VWCE: variants seen among roughly 807,000 people sequenced by gnomAD.
The protein encoded by VWCE is von Willebrand factor C and EGF domains, also known as von Willebrand factor C and EGF domain-containing protein.
A neutral mutation model predicts 102.9 loss-of-function variants in VWCE; 68 were observed. The observed-to-expected ratio is 0.66, with a 90% CI of 0.54 to 0.81. The LOEUF is 0.81. VWCE is among the 30% of genes least tolerant of loss of function. VWCE has a pLI of 0.00. For synonymous variants in VWCE, 497 were observed against 515.4 expected (o/e 0.96, Z 0.48); for missense variants, 1,137 against 1,263.6 (o/e 0.90, Z 1.52).
intron 11 of VWCE, among the ~76,000 whole-genome samples, chr11:61,275,434 G>C (rs1854873443): frequency 6.6e-6 from 1 of 151,762 alleles, no homozygotes; most frequent in Non-Finnish European, 1.5e-5. Flanking sequence ...CAATGGGACC[G>C]ATAAGGGTTC....
chr11:61,286,278 C>G, intron 5 of VWCE, 36 bp downstream of exon 5: 1 of 1,586,304 alleles, frequency 6.3e-7, no homozygotes, highest in East Asian at 2.2e-5. Flanking sequence ...TCCCCATTAC[C>G]CCTCCCAGAG....
chr11:61,259,422 CA>C, intron 19 of VWCE, 110 bp from the exon 20 acceptor site: 1 of 1,379,852 alleles, frequency 7.2e-7, no homozygotes, highest in Non-Finnish European at 9.6e-7. Flanking sequence ...AGAGGGGCCT[CA>C]GCACACCTGG....
chr11:61,279,022 A>C (rs1489921562), intron 9 of VWCE, among the ~76,000 whole-genome samples: 10 of 150,152 alleles, frequency 6.7e-5, no homozygotes, highest in Non-Finnish European at 1.2e-4. Flanking sequence ...CTGGGTGACA[A>C]AGCAACACTC....
chr11:61,283,736 G>A (rs989078720), intron 5 of VWCE, among the ~76,000 whole-genome samples: 20 of 152,240 alleles, frequency 1.3e-4, no homozygotes, highest in Middle Eastern at 3.4e-3. Context: ...AATGCACCAC[G>A]CTCTTTTGGT....
chr11:61,268,950 A>G lies in VWCE; in HGVS notation c.1854T>C (p.Pro618=), dbSNP rs750396283. 4 of 1,614,048 alleles carry G rather than the reference A, an allele frequency of 2.5e-6. No homozygotes were observed. In the African/African-American group the frequency reaches 4.0e-5, roughly 16 times the overall value. ...CTGAACAGTCTGGGCAGCACTGTCC[A>G]GGGATCCGGATCGGGTGAGGGCAGG... ...VDSCPHPIRI[P]GQCCPDCSAG... The change falls in exon 15 of 20, where the codon CCT becomes CCC. Residue 618 remains proline (P), a synonymous_variant. Coordinates refer to ENST00000335613, the MANE Select transcript of VWCE (RefSeq NM_152718.2).
chr11:61,276,743 T>A, intron 10 of VWCE, 63 bp from the exon 11 acceptor site: 1 of 1,355,826 alleles, frequency 7.4e-7, no homozygotes, highest in Non-Finnish European at 9.9e-7. Flanking sequence ...ATTCCCCATC[T>A]CACAGCAGGC....
rs61744427 is a variant in VWCE at position 61,280,850 on chromosome 11, G to C, written c.1173C>G (p.Ala391=). 5.7e-3 allele frequency: 8,761 copies of C among 1,544,056 alleles called. 195 individuals carry two copies. In the African/African-American group the frequency reaches 0.058, roughly 10 times the overall value. The stretch of plus-strand genomic sequence containing the variant: ...TCCAGCGACTCCTTGATTCATGCAT[G>C]GCTCCCAGGTGCCAGCAGGGAGAGG... ...AGPSPCWHLG[A]MHESRSRWTE... is the part of the protein sequence containing the mutation. The change falls in exon 8 of 20, where the codon GCC becomes GCG. Residue 391 remains alanine, a synonymous_variant. Transcript: ENST00000335613.
At chr11:61,262,910 A>T (rs1006251066) in intron 19 of VWCE, among the ~76,000 whole-genome samples, 2 of 152,260 alleles carry the variant, frequency 1.3e-5, no homozygotes, top group African/African-American at 4.8e-5. Context: ...TCACTGTGAC[A>T]CTATTCACAA....
At position 61,259,200 on chromosome 11, in the gene VWCE, G is replaced by A. The variant is rs140374882; in HGVS notation, c.2343C>T (p.Ser781=). Residue 781 remains serine, a synonymous_variant, in exon 20 of 20, where the codon AGC becomes AGT. Coordinates refer to ENST00000335613, the MANE Select transcript of VWCE (RefSeq NM_152718.2). ...HGDTEAPVNC[S]SCPGPPTASP... is the part of the protein sequence containing the mutation. ...ATGCTGTCGGGGGCCCAGGACAGGA[G>A]CTACAGTTGACAGGGGCCTCAGTGT... The A allele has an allele frequency of 1.2e-5, 19 of 1,614,066 alleles. No homozygotes were observed. In the African/African-American group the frequency reaches 2.4e-4, roughly 20 times the overall value.
chr11:61,279,127 C>A (rs961474717), intron 9 of VWCE, among the ~76,000 whole-genome samples: 1 of 152,152 alleles, frequency 6.6e-6, no homozygotes, highest in Admixed American at 6.5e-5. Context: ...CTTCACCTCT[C>A]TAGTACCCAG....
intron 12 of VWCE, among the ~76,000 whole-genome samples, chr11:61,274,067 G>T (rs1854826646): frequency 6.6e-6 from 1 of 152,100 alleles, no homozygotes; most frequent in Non-Finnish European, 1.5e-5. Context: ...CCATGCTCCA[G>T]GCAGAACGGC....
At chr11:61,279,844 A>G (rs772135799) in intron 9 of VWCE, among the ~76,000 whole-genome samples, 1 of 151,700 alleles carries the variant, frequency 6.6e-6, no homozygotes, top group South Asian at 2.1e-4. Context: ...TCCCACCTCA[A>G]TCTCCCAGGC....
In VWCE at chr11:61,274,715, C is replaced by T. The variant is rs563750721; in HGVS notation, c.1496-131G>A. ...ACAACACTCCACAGCATGCTCCGTG[C>T]CCAGGAACCCAAAGCACTTCTCCCC... is the stretch of plus-strand genomic sequence containing the variant. On this transcript the variant is annotated intron_variant, in intron 11 of 19. Transcript: ENST00000335613. 1.8e-5 allele frequency: 12 copies of T among 649,870 alleles called. No homozygotes were observed. The African/African-American group carries it at 2.0e-4, about 11-fold the overall frequency. 40.3% of individuals were successfully genotyped at this position (649,870 alleles called of 1,614,324 possible).
chr11:61,293,787 A>G lies in VWCE; in HGVS notation c.110+1141T>C, dbSNP rs146752857. 4.5e-4 allele frequency among the ~76,000 whole-genome samples: 69 copies of G among 152,296 alleles called. No homozygotes were observed. In the East Asian group the frequency reaches 0.012, roughly 27 times the overall value. On this transcript the variant is annotated intron_variant, in intron 1 of 19. Transcript: ENST00000335613. The stretch of plus-strand genomic sequence containing the variant: ...AAATCTGTGCCAAAATGTGACAAGT[A>G]TTCCGGAAAGGGAAGCTCAGGGTGC...
intron 5 of VWCE, 166 bp downstream of exon 5, chr11:61,286,148 A>G: frequency 1.4e-6 from 1 of 730,516 alleles, no homozygotes; most frequent in Non-Finnish European, 2.4e-6. Context: ...CTCAGTCTCC[A>G]CATCAGTCAG....
intron 10 of VWCE, 71 bp from the exon 11 acceptor site, chr11:61,276,751 G>T: frequency 7.8e-7 from 1 of 1,281,844 alleles, no homozygotes; most frequent in Non-Finnish European, 1.0e-6. Context: ...TCTCACAGCA[G>T]GCCCTTCGAA....
intron 15 of VWCE, 128 bp from the exon 16 acceptor site, chr11:61,267,672 C>A: frequency 1.3e-6 from 1 of 797,898 alleles, no homozygotes; most frequent in African/African-American, 1.7e-5. Context: ...GGCAGTCACC[C>A]TGGGAGTTAG....
chr11:61,290,250 G>A lies in VWCE; in HGVS notation c.424+549C>T, dbSNP rs547549951. Among the ~76,000 whole-genome samples the A allele has an allele frequency of 1.6e-3, 236 of 152,256 alleles. 3 individuals are homozygous for A. Among genetic ancestry groups the A allele is most frequent in the African/African-American group, 4.9e-3 (205 of 41,552 alleles). On this transcript the variant is annotated intron_variant, in intron 4 of 19. Transcript: ENST00000335613. ...AATGGGGCTGGGTGCGGTGGCTCAC[G>A]CCTGTAATCCTAACACTTTGGGAGT... is the stretch of plus-strand genomic sequence containing the variant.
Position 61,263,551 on chromosome 11 carries a change from A to ATGTGT in VWCE, c.2230+931_2230+935dup, listed in dbSNP as rs550994440. Among the ~76,000 whole-genome samples, 223 of 152,160 alleles carry ATGTGT rather than the reference A, an allele frequency of 1.5e-3. 1 individual carries two copies. The highest frequency in any genetic ancestry group is 2.1e-3 in the Non-Finnish European group (145 of 68,008). The stretch of plus-strand genomic sequence containing the variant: ...ACAATCTCAGCTAGACAGGAGAAAT[A>ATGTGT]TGTGTTGTGTTGTGTTTTGTGTTGT... On this transcript the variant is annotated intron_variant, in intron 19 of 19. Coordinates refer to ENST00000335613, the MANE Select transcript of VWCE (RefSeq NM_152718.2).
Sources: gnomAD v4.1 joint callset for allele counts (sites outside exome capture counted in the v4.1 genomes callset) on GRCh38, gnomAD v4.1.1 for gene constraint, MANE v1.5 for transcripts, NCBI Gene and HGNC (gene_info 2026-07-23, HGNC 2026-07-21) for gene names.